Variants in FBXO4 observed in about 807,000 individuals in gnomAD.
The protein encoded by FBXO4 is F-box protein 4, also known as F-box only protein 4.
Under a neutral mutation model 43.7 loss-of-function variants are expected in FBXO4, and 36 were observed. That is an observed-to-expected ratio of 0.82 (90% CI 0.63 to 1.09). The LOEUF is 1.09. FBXO4 is among the 50% of genes least tolerant of loss of function. The pLI is 0.00. For synonymous variants in FBXO4, 180 were observed against 165.6 expected (o/e 1.09, Z -0.67); for missense variants, 435 against 474.1 (o/e 0.92, Z 0.77).
At chr5:42,038,303 A>C in the FBXO4 span, among the ~76,000 whole-genome samples, 1 of 152,108 alleles carries the variant, frequency 6.6e-6, no homozygotes, top group African/African-American at 2.4e-5. Flanking sequence ...ATAGATTTGC[A>C]AGTGCCAATC....
chr5:41,941,116 A>G lies in FBXO4; in HGVS notation c.1075-76A>G, dbSNP rs1022090347. 7 of 1,102,402 alleles carry G rather than the reference A, an allele frequency of 6.3e-6. No individual in the cohort carries two copies. The Admixed American group carries it at 9.5e-5, about 15-fold the overall frequency. The allele number at this position is 1,102,402 out of a possible 1,614,324, so 68.3% of individuals were successfully genotyped here. ...AAGTTCTGTTATCTTTTTAGTGTCT[A>G]GAAAAATGTCCCTCCTACTCATAAG... On this transcript the variant is annotated intron_variant, in intron 6 of 6. Coordinates refer to ENST00000281623, the MANE Select transcript of FBXO4 (RefSeq NM_012176.3).
At chr5:41,957,273 G>C in the FBXO4 span, among the ~76,000 whole-genome samples, 35 of 151,654 alleles carry the variant, frequency 2.3e-4, no homozygotes, top group South Asian at 4.2e-4. Flanking sequence ...TAACAGTTTG[G>C]ATGTCCTTAT....
intron 5 of FBXO4, chr5:41,934,939 A>G: frequency 3.1e-6 from 3 of 965,600 alleles, no homozygotes; most frequent in Non-Finnish European, 3.7e-6. Flanking sequence ...AATACATAAT[A>G]TATTGTATAT....
the FBXO4 span, among the ~76,000 whole-genome samples, chr5:41,964,710 G>A: frequency 2.0e-5 from 3 of 150,826 alleles, no homozygotes; most frequent in Non-Finnish European, 4.4e-5. Context: ...CATATCCTTC[G>A]CCCACTTGTT....
At chr5:41,969,171 C>A in the FBXO4 span, among the ~76,000 whole-genome samples, 2 of 152,172 alleles carry the variant, frequency 1.3e-5, no homozygotes, top group African/African-American at 4.8e-5. Context: ...TTAGCAGCAT[C>A]CTGTAATCCT....
At chr5:42,002,869 C>G in the FBXO4 span, among the ~76,000 whole-genome samples, 1 of 152,158 alleles carries the variant, frequency 6.6e-6, no homozygotes. Context: ...TACTCATGCC[C>G]TGGTGCTTAG....
At chr5:41,994,193 C>T in the FBXO4 span, among the ~76,000 whole-genome samples, 108 of 152,270 alleles carry the variant, frequency 7.1e-4, no homozygotes, top group Middle Eastern at 3.4e-3. Context: ...AATCCCCAAA[C>T]AAAATGCTAT....
the FBXO4 span, among the ~76,000 whole-genome samples, chr5:41,951,046 A>C: frequency 0.01 from 1,568 of 152,194 alleles, 19 homozygotes; most frequent in Non-Finnish European, 0.015. Flanking sequence ...TGAACATCAC[A>C]CACCGGGGCC....
In FBXO4 at chr5:41,934,002, A is replaced by C; in HGVS notation, c.703A>C (p.Ile235Leu). The C allele has an allele frequency of 1.2e-6, 2 of 1,613,874 alleles. No individual in the cohort carries two copies. The highest frequency in any genetic ancestry group is 2.2e-5 in the South Asian group (2 of 90,998). Residue 235 changes from isoleucine (I) to leucine (L), a missense_variant, in exon 4 of 7, where the codon ATC becomes CTC. Transcript: ENST00000281623. Reference sequence around the variant, plus strand: ...CAACCAACATAAATTCAACATTCTAATCTTATATTCAACTACCAGGTAAGG... The same window carrying C: ...CAACCAACATAAATTCAACATTCTACTCTTATATTCAACTACCAGGTAAGG... ...LNNQHKFNIL[I>L]LYSTTRKERD...
chr5:41,951,757 A>G, the FBXO4 span: 1 of 211,954 alleles, frequency 4.7e-6, no homozygotes, highest in Non-Finnish European at 9.4e-6. Context: ...TGTGACCTAG[A>G]GCAATGGTAG....
the FBXO4 span, among the ~76,000 whole-genome samples, chr5:41,947,807 T>G: frequency 6.6e-6 from 1 of 152,122 alleles, no homozygotes; most frequent in African/African-American, 2.4e-5. Flanking sequence ...GTTTCTACAG[T>G]GTAATCATGG....
chr5:41,965,212 C>T, the FBXO4 span, among the ~76,000 whole-genome samples: 1 of 152,114 alleles, frequency 6.6e-6, no homozygotes, highest in Non-Finnish European at 1.5e-5. Flanking sequence ...AGCATTATTT[C>T]TGAGGGCTCT....
In FBXO4 at chr5:41,934,120, A is replaced by T. The variant is rs149448164; in HGVS notation, c.723-13A>T. On this transcript the variant is annotated splice_polypyrimidine_tract_variant and intron_variant, in intron 4 of 6. Coordinates refer to ENST00000281623, the MANE Select transcript of FBXO4 (RefSeq NM_012176.3). ...TGTCTTTTTATATTCTGTCTTTACAATTTTTTTTCTAGAAAGGAAAGAGAT... is the reference window on the plus strand; with the variant it reads ...TGTCTTTTTATATTCTGTCTTTACATTTTTTTTTCTAGAAAGGAAAGAGAT... The T allele has an allele frequency of 4.3e-4, 690 of 1,613,120 alleles. No individual in the cohort carries two copies. The African/African-American group carries it at 8.1e-3, about 19-fold the overall frequency.
the FBXO4 span, chr5:41,963,917 C>A: frequency 6.6e-6 from 1 of 152,224 alleles, no homozygotes; most frequent in Non-Finnish European, 1.5e-5. Flanking sequence ...ACAAATAAAT[C>A]TGCAACTGGT....
the FBXO4 span, among the ~76,000 whole-genome samples, chr5:41,976,531 A>G: frequency 6.6e-6 from 1 of 152,218 alleles, no homozygotes; most frequent in Non-Finnish European, 1.5e-5. Context: ...GCAAGTCTGG[A>G]ACCCAGCAGG....
At chr5:41,946,913 A>G in the FBXO4 span, among the ~76,000 whole-genome samples, 48 of 152,334 alleles carry the variant, frequency 3.2e-4, no homozygotes, top group African/African-American at 1.1e-3. Flanking sequence ...TATAGCCACA[A>G]TGCACCCATA....
chr5:41,932,573 C>T (rs1275382750), intron 3 of FBXO4, among the ~76,000 whole-genome samples: 1 of 152,016 alleles, frequency 6.6e-6, no homozygotes, highest in African/African-American at 2.4e-5. Flanking sequence ...TAGTAGGGAC[C>T]AGATATTATG....
the FBXO4 span, among the ~76,000 whole-genome samples, chr5:41,976,657 G>T: frequency 6.6e-6 from 1 of 152,198 alleles, no homozygotes; most frequent in African/African-American, 2.4e-5. Flanking sequence ...TGCTTCTGTG[G>T]CTTTGCAGGG....
chr5:42,011,509 T>C, the FBXO4 span, among the ~76,000 whole-genome samples: 3 of 152,250 alleles, frequency 2.0e-5, no homozygotes, highest in African/African-American at 4.8e-5. Context: ...TCAGGTATTC[T>C]GTTATAGCAA....
Sources: allele counts gnomAD v4.1 joint callset (sites outside exome capture counted in the v4.1 genomes callset), GRCh38; gene constraint gnomAD v4.1.1; transcripts MANE v1.5; gene names NCBI Gene and HGNC (gene_info 2026-07-23, HGNC 2026-07-21).